The following TGFBR3 variants were observed in gnomAD, a reference collection of about 807,000 sequenced individuals.
TGFBR3 encodes transforming growth factor beta receptor 3.
Under a neutral mutation model 87.9 loss-of-function variants are expected in TGFBR3, and 46 were observed. That is an observed-to-expected ratio of 0.52 (90% confidence interval 0.41 to 0.67). The LOEUF is 0.67. Ranked by LOEUF, TGFBR3 falls within the 30% of genes least tolerant of loss-of-function variation. The pLI is 0.00. For synonymous variants in TGFBR3, 381 were observed against 391.6 expected (o/e 0.97, Z 0.32); for missense variants, 866 against 1,041.9 (o/e 0.83, Z 2.32).
intron 2 of TGFBR3, among the ~76,000 whole-genome samples, chr1:91,820,759 ACT>A (rs1676420436): frequency 6.6e-6 from 1 of 152,196 alleles, no homozygotes; most frequent in Non-Finnish European, 1.5e-5. Flanking sequence ...CATTTAAAAC[ACT>A]GTTATTTGTA....
At chr1:91,893,937 A>C (rs1204310624) in intron 2 of TGFBR3, among the ~76,000 whole-genome samples, 1 of 151,468 alleles carries the variant, frequency 6.6e-6, no homozygotes, top group Non-Finnish European at 1.5e-5. Context: ...AAAAAAAAAA[A>C]AACTTCCTTT....
At chr1:91,712,106 T>C in intron 13 of TGFBR3, 137 bp downstream of exon 13, 1 of 785,460 alleles carries the variant, frequency 1.3e-6, no homozygotes, top group East Asian at 2.7e-5. Context: ...CACAGTTCCC[T>C]GCTAATAGTG....
intron 1 of TGFBR3, among the ~76,000 whole-genome samples, chr1:91,882,406 G>T (rs1165850888): frequency 6.6e-6 from 1 of 151,396 alleles, no homozygotes; most frequent in African/African-American, 2.4e-5. Context: ...CAACATGCTG[G>T]GATTACAGGC....
chr1:91,810,022 T>C (rs190570723), intron 2 of TGFBR3, among the ~76,000 whole-genome samples: 14 of 152,182 alleles, frequency 9.2e-5, no homozygotes, highest in African/African-American at 3.4e-4. Flanking sequence ...AGAAGGATTG[T>C]GCTCGGCTCA....
rs17878885 is a variant in TGFBR3, at chr1:91,683,775, C to A, written c.2520G>T (p.Thr840=). ...TGCTGCTGGAGCAAGGCGTGCTCTG[C>A]GTGCTGCCGATGCTGTGGGCAGCAC... ...NSSAAHSIGS[T]QSTPCSSSST... The change falls in exon 17 of 17, where the codon ACG becomes ACT. Residue 840 remains threonine (T), a synonymous_variant. Coordinates refer to ENST00000212355, the MANE Select transcript of TGFBR3 (RefSeq NM_003243.5). 4.4e-6 allele frequency: 7 copies of A among 1,601,410 alleles called. No individual in the cohort carries two copies. The highest frequency in any genetic ancestry group is 4.3e-6 in the Non-Finnish European group (5 of 1,175,790).
At chr1:91,832,854 T>C (rs1416311439) in intron 2 of TGFBR3, among the ~76,000 whole-genome samples, 1 of 150,826 alleles carries the variant, frequency 6.6e-6, no homozygotes, top group Admixed American at 6.6e-5. Flanking sequence ...AATACAAAAA[T>C]TATATAAAAA....
At chr1:91,903,141 C>T (rs1012568880) in intron 1 of TGFBR3, among the ~76,000 whole-genome samples, 2 of 150,856 alleles carry the variant, frequency 1.3e-5, no homozygotes, top group East Asian at 3.9e-4. Context: ...GAGTTTGAGA[C>T]CGGCCTGACC....
At chr1:91,871,812 C>G (rs1678591183) in intron 1 of TGFBR3, among the ~76,000 whole-genome samples, 1 of 152,134 alleles carries the variant, frequency 6.6e-6, no homozygotes, top group African/African-American at 2.4e-5. Context: ...TTCAAATCCC[C>G]CACCTGCCTT....
rs1461993595 is a variant in TGFBR3 at position 91,683,278 on chromosome 1, G to A, written c.*461C>T. 2.2e-6 allele frequency: 1 copy of A among 456,164 alleles called. No homozygotes were observed. Among genetic ancestry groups the A allele is most frequent in the Admixed American group, 2.3e-5 (1 of 42,616 alleles). The allele number at this position is 456,164 out of a possible 1,614,324, so 28.3% of individuals were successfully genotyped here. ...CTTAGAAAGCCTCAAAGCATTTCTT[G>A]TTTTACATCTTGGTTCAGATATAAA... On this transcript the variant is annotated 3_prime_UTR_variant, in exon 17 of 17. Transcript: ENST00000212355.
chr1:91,804,277 A>C (rs926322077), intron 2 of TGFBR3, among the ~76,000 whole-genome samples: 2 of 152,166 alleles, frequency 1.3e-5, no homozygotes, highest in African/African-American at 4.8e-5. Context: ...CAACTGTCAC[A>C]GAAAGCAGGA....
intron 4 of TGFBR3, among the ~76,000 whole-genome samples, chr1:91,748,216 T>A (rs1481174938): frequency 6.6e-6 from 1 of 152,210 alleles, no homozygotes; most frequent in Non-Finnish European, 1.5e-5. Context: ...AGAGCCCTCT[T>A]AAGCAGGCCA....
chr1:91,778,301 A>G (rs902964368), intron 3 of TGFBR3, among the ~76,000 whole-genome samples: 1 of 151,916 alleles, frequency 6.6e-6, no homozygotes, highest in African/African-American at 2.4e-5. Flanking sequence ...AATGCTTTTG[A>G]CTCTAATTCT....
chr1:91,835,237 C>T (rs1174140517), intron 2 of TGFBR3, among the ~76,000 whole-genome samples: 3 of 152,214 alleles, frequency 2.0e-5, no homozygotes, highest in Admixed American at 1.3e-4. Flanking sequence ...AACTTTGACA[C>T]ACACCATCCG....
rs60659146 is a variant in TGFBR3 at position 91,880,529 on chromosome 1, C to T, written c.-114+5349G>A. Among the ~76,000 whole-genome samples the T allele has an allele frequency of 9.2e-3, 1,393 of 152,046 alleles. 24 individuals are homozygous for T. The highest frequency in any genetic ancestry group is 0.032 in the African/African-American group (1,333 of 41,460). ...AAGAGAATGGCGTGAACCAGGGAGG[C>T]GGAGCTTGCAGTGAGCCGAGATCGC... On this transcript the variant is annotated intron_variant, in intron 1 of 16. Coordinates refer to ENST00000212355, the MANE Select transcript of TGFBR3 (RefSeq NM_003243.5).
intron 14 of TGFBR3, among the ~76,000 whole-genome samples, chr1:91,699,996 T>C (rs1358794993): frequency 6.6e-6 from 1 of 152,242 alleles, no homozygotes; most frequent in Non-Finnish European, 1.5e-5. Flanking sequence ...AAAAAGGATA[T>C]TTCATGACGT....
intron 2 of TGFBR3, among the ~76,000 whole-genome samples, chr1:91,891,286 C>A (rs112659651): frequency 0.02 from 2,998 of 151,574 alleles, 99 homozygotes; most frequent in African/African-American, 0.068. Context: ...TCACTTGAGC[C>A]CAGGATTTCG....
chr1:91,715,988 A>ATT (rs201280265), intron 12 of TGFBR3, among the ~76,000 whole-genome samples: 66 of 149,592 alleles, frequency 4.4e-4, no homozygotes, highest in African/African-American at 1.4e-3. Context: ...ACACTTGCCA[A>ATT]TTTTTTTTTT....
At chr1:91,721,369 C>T (rs936921095) in intron 8 of TGFBR3, among the ~76,000 whole-genome samples, 5 of 152,162 alleles carry the variant, frequency 3.3e-5, no homozygotes, top group African/African-American at 9.7e-5. Flanking sequence ...GGGCTTGAAC[C>T]TGTACTCCTA....
At chr1:91,854,580 T>C (rs1677867472) in intron 2 of TGFBR3, among the ~76,000 whole-genome samples, 1 of 151,988 alleles carries the variant, frequency 6.6e-6, no homozygotes, top group South Asian at 2.1e-4. Context: ...CACATGAAAA[T>C]TGTTAAGAGA....
Sources: gnomAD v4.1 joint callset for allele counts (sites outside exome capture counted in the v4.1 genomes callset) on GRCh38, gnomAD v4.1.1 for gene constraint, MANE v1.5 for transcripts, NCBI Gene and HGNC (gene_info 2026-07-23, HGNC 2026-07-21) for gene names.